Variants in TRERF1 observed in about 807,000 individuals in gnomAD.
TRERF1 encodes transcriptional-regulating factor 1.
A neutral mutation model predicts 122.9 loss-of-function variants in TRERF1; 27 were observed. That is an observed-to-expected ratio of 0.22 (90% CI 0.16 to 0.30). The LOEUF is 0.30. TRERF1 is among the 10% of genes least tolerant of loss of function. The pLI is 1.00. For synonymous variants in TRERF1, 636 were observed against 641.7 expected (o/e 0.99, Z 0.13); for missense variants, 1,248 against 1,560.3 (o/e 0.80, Z 3.37).
intron 2 of TRERF1, among the ~76,000 whole-genome samples, chr6:42,379,010 C>T (rs185680674): frequency 2.0e-5 from 3 of 152,100 alleles, no homozygotes; most frequent in East Asian, 1.9e-4. Flanking sequence ...TCCCAAGCTA[C>T]GCAGGAGGCT....
At chr6:42,431,712 A>T (rs1243028356) in intron 2 of TRERF1, among the ~76,000 whole-genome samples, 1 of 152,138 alleles carries the variant, frequency 6.6e-6, no homozygotes, top group African/African-American at 2.4e-5. Flanking sequence ...TTGTCACTCA[A>T]TACACACCAG....
At chr6:42,281,203 C>T (rs117587999) in intron 4 of TRERF1, among the ~76,000 whole-genome samples, 1 of 152,246 alleles carries the variant, frequency 6.6e-6, no homozygotes, top group East Asian at 1.9e-4. Flanking sequence ...CAATTTCTTG[C>T]CAAAACAACT....
In TRERF1 at chr6:42,259,500, T is replaced by TGGGTGGGGTCCAGGAGC; in HGVS notation, c.2091_2107dup (p.His703ArgfsTer18). On this transcript the variant is annotated frameshift_variant, in exon 9 of 18. Transcript: ENST00000372922. LOFTEE classifies it high-confidence loss of function. This position sits in a 1 kb window ranked among gnomAD's most constrained non-coding sequence, Gnocchi z 4.9. ...TGGGGGCGTGTAAGGGGGCAGCTCG[T>TGGGTGGGGTCCAGGAGC]GGGTGGGGTCCAGGAGCAGGTGGTC... is the stretch of plus-strand genomic sequence containing the variant. 1 of 1,611,180 alleles carries TGGGTGGGGTCCAGGAGC rather than the reference T, an allele frequency of 6.2e-7. No homozygotes were observed. The highest frequency in any genetic ancestry group is 8.5e-7 in the Non-Finnish European group (1 of 1,179,470).
At chr6:42,296,193 C>A (rs1785080671) in intron 4 of TRERF1, among the ~76,000 whole-genome samples, 1 of 152,132 alleles carries the variant, frequency 6.6e-6, no homozygotes, top group South Asian at 2.1e-4. Context: ...ATTTTCAGAA[C>A]CCCTGGTTTA....
At position 42,244,100 on chromosome 6, in the gene TRERF1, C is replaced by T. The variant is rs555566571; in HGVS notation, c.2746-739G>A. On this transcript the variant is annotated intron_variant, in intron 14 of 17. Coordinates refer to ENST00000372922, the Ensembl canonical transcript of TRERF1. ...TTCACCATGTTGGCCAGGCTAGTCT[C>T]GAACTCCTGACCTCAAGTGATCCTC... is the stretch of plus-strand genomic sequence containing the variant. 4.6e-5 allele frequency among the ~76,000 whole-genome samples: 7 copies of T among 152,074 alleles called. No homozygotes were observed. In the East Asian group the frequency reaches 7.7e-4, roughly 17 times the overall value.
At position 42,266,188 on chromosome 6, in the gene TRERF1, C is replaced by CTT. The variant is rs34950753; in HGVS notation, c.1438-393_1438-392dup. 1.5e-3 allele frequency among the ~76,000 whole-genome samples: 196 copies of CTT among 128,094 alleles called. 2 individuals are homozygous for CTT. Among genetic ancestry groups the CTT allele is most frequent in the South Asian group, 0.011 (44 of 4,004 alleles). 84.0% of individuals were successfully genotyped at this position (128,094 alleles called of 152,430 possible). On this transcript the variant is annotated intron_variant, in intron 5 of 17. Transcript: ENST00000372922. ...TGCCAGGAGACCCCCTGATGGAATTCTTTTTTTTTTTTTTTTTTGAGACAG... is the reference window on the plus strand; with the variant it reads ...TGCCAGGAGACCCCCTGATGGAATTCTTTTTTTTTTTTTTTTTTTTGAGACAG...
chr6:42,261,211 G>A (rs1485357307), intron 8 of TRERF1, among the ~76,000 whole-genome samples: 1 of 152,180 alleles, frequency 6.6e-6, no homozygotes, highest in African/African-American at 2.4e-5. Flanking sequence ...GATACACTCT[G>A]TTCCCGGGTA....
chr6:42,247,286 T>G (rs1312544915), intron 13 of TRERF1, among the ~76,000 whole-genome samples: 3 of 152,220 alleles, frequency 2.0e-5, no homozygotes, highest in Admixed American at 1.3e-4. Context: ...ACTTCAGTTG[T>G]TCATTCAACA....
In TRERF1 at chr6:42,288,574, C is replaced by CAAAAAAAAAAA. The variant is rs3074797; in HGVS notation, c.-259+12053_-259+12063dup. On this transcript the variant is annotated intron_variant, in intron 4 of 17. Coordinates refer to ENST00000372922, the Ensembl canonical transcript of TRERF1. The stretch of plus-strand genomic sequence containing the variant: ...CAAGAGCGAAACTCCATCTCAAAAC[C>CAAAAAAAAAAA]AAAAAAAAAAAAAAAAAAAAAAGAG... Among the ~76,000 whole-genome samples, 81 of 86,534 alleles carry CAAAAAAAAAAA rather than the reference C, an allele frequency of 9.4e-4. 1 individual carries two copies. The highest frequency in any genetic ancestry group is 3.8e-3 in the African/African-American group (79 of 20,524). The allele number at this position is 86,534 out of a possible 152,430, so 56.8% of individuals were successfully genotyped here. A position where few individuals can be genotyped will look rare whatever the true frequency, so the allele number is the denominator to read the frequency against.
chr6:42,387,815 T>C (rs1187933887), intron 2 of TRERF1, among the ~76,000 whole-genome samples: 2 of 152,144 alleles, frequency 1.3e-5, no homozygotes, highest in Non-Finnish European at 2.9e-5. Flanking sequence ...TTTTATTTTA[T>C]TTTATTTTTT....
At chr6:42,376,908 C>G (rs1019750085) in intron 2 of TRERF1, among the ~76,000 whole-genome samples, 1 of 151,392 alleles carries the variant, frequency 6.6e-6, no homozygotes, top group Non-Finnish European at 1.5e-5. Context: ...TCTTGTCACC[C>G]AGGCTGGAGT....
At chr6:42,329,716 C>G (rs959394381) in intron 3 of TRERF1, among the ~76,000 whole-genome samples, 35 of 152,118 alleles carry the variant, frequency 2.3e-4, no homozygotes, top group Non-Finnish European at 5.0e-4. Flanking sequence ...TTTGGCTGGG[C>G]ACGGTGGCTC....
intron 2 of TRERF1, among the ~76,000 whole-genome samples, chr6:42,375,015 A>AG (rs1403596313): frequency 6.6e-6 from 1 of 151,622 alleles, no homozygotes; most frequent in East Asian, 1.9e-4. Context: ...AAAAAAAAAA[A>AG]AAAAAAAAAG....
intron 4 of TRERF1, among the ~76,000 whole-genome samples, chr6:42,294,038 T>G (rs186842049): frequency 1.6e-4 from 24 of 152,246 alleles, no homozygotes; most frequent in African/African-American, 5.3e-4. Flanking sequence ...TCCCTAAGGA[T>G]CTGAGCCCTT....
At chr6:42,399,354 A>G (rs1779068230) in intron 2 of TRERF1, among the ~76,000 whole-genome samples, 1 of 152,142 alleles carries the variant, frequency 6.6e-6, no homozygotes. Context: ...GATCAAAGAG[A>G]AAGTATAGAC....
intron 13 of TRERF1, among the ~76,000 whole-genome samples, chr6:42,251,331 A>AT (rs1364058419): frequency 6.6e-6 from 1 of 152,156 alleles, no homozygotes; most frequent in Non-Finnish European, 1.5e-5. Context: ...CAAGACAGAC[A>AT]TGTTCATTGC....
At chr6:42,319,218 G>A (rs1762990745) in intron 3 of TRERF1, among the ~76,000 whole-genome samples, 1 of 152,012 alleles carries the variant, frequency 6.6e-6, no homozygotes, top group Non-Finnish European at 1.5e-5. Context: ...ATCTGTTTAT[G>A]TACCATGTAG....
intron 2 of TRERF1, among the ~76,000 whole-genome samples, chr6:42,401,796 C>G (rs79731094): frequency 4.1e-4 from 63 of 152,276 alleles, no homozygotes; most frequent in African/African-American, 1.5e-3. Flanking sequence ...GAGTTCATCC[C>G]CAAAGATTGA....
At chr6:42,262,434 C>CAGAGAGAGAG (rs71778190) in intron 8 of TRERF1, among the ~76,000 whole-genome samples, 1 of 22,520 alleles carries the variant, frequency 4.4e-5, no homozygotes, top group African/African-American at 2.2e-4. Flanking sequence ...TCCCTAGGGG[C>CAGAGAGAGAG]AGAGAGAGAG....
Sources: gnomAD v4.1 joint callset for allele counts (sites outside exome capture counted in the v4.1 genomes callset) on GRCh38, gnomAD v4.1.1 for gene constraint, Gnocchi (gnomAD v3.1) non-coding constraint, MANE v1.5 for transcripts, NCBI Gene and HGNC (gene_info 2026-07-23, HGNC 2026-07-21) for gene names.